Variants in ROBO1 observed in about 807,000 individuals in gnomAD.
ROBO1 encodes roundabout guidance receptor 1.
ROBO1 carries 149 observed loss-of-function variants against 195.9 expected under a neutral mutation model. That is an observed-to-expected ratio of 0.76 (90% confidence interval 0.67 to 0.87). ROBO1 has a LOEUF of 0.87. Among genes scored for constraint, ROBO1 ranks in the 40% least tolerant of loss-of-function variants. ROBO1 has a pLI of 0.00. For missense variants in ROBO1, 1,933 were observed against 2,068.3 expected, an observed-to-expected ratio of 0.93 and a Z score of 1.27; for synonymous variants, 816 against 733.2, an observed-to-expected ratio of 1.11 and a Z score of -1.82.
intron 10 of ROBO1, among the ~76,000 whole-genome samples, chr3:78,675,102 A>G (rs1163027989): frequency 6.6e-6 from 1 of 152,094 alleles, no homozygotes; most frequent in Non-Finnish European, 1.5e-5. Context: ...CCTAGTGCTC[A>G]ATACTCACTT....
chr3:79,764,945 C>T lies in ROBO1; in HGVS notation c.-51+2807G>A, dbSNP rs112957828. Among the ~76,000 whole-genome samples, 314 of 152,274 alleles carry T rather than the reference C, an allele frequency of 2.1e-3. 1 individual carries two copies. Among genetic ancestry groups the T allele is most frequent in the African/African-American group, 7.0e-3 (289 of 41,544 alleles). ...CCTAGGCAGCTGTTGAGTCTCTCCC[C>T]TCCTCCCATGCTCAGCTCAGTGCTA... is the stretch of plus-strand genomic sequence containing the variant. On this transcript the variant is annotated intron_variant, in intron 1 of 30. Transcript: ENST00000464233.
At position 79,299,199 on chromosome 3, in the gene ROBO1, T is replaced by G. The variant is rs540245079; in HGVS notation, c.89-173660A>C. ...GAGGTATATTGAAGTTTACATCGCA[T>G]TTAGCATAGACCAGTATTTCAAATA... On this transcript the variant is annotated intron_variant, in intron 2 of 30. Coordinates refer to ENST00000464233, the MANE Select transcript of ROBO1 (RefSeq NM_002941.4). 9.2e-5 allele frequency among the ~76,000 whole-genome samples: 14 copies of G among 152,314 alleles called. No homozygotes were observed. The East Asian group carries it at 2.5e-3, about 27-fold the overall frequency.
intron 2 of ROBO1, among the ~76,000 whole-genome samples, chr3:79,195,382 C>A (rs1239566770): frequency 6.6e-6 from 1 of 151,486 alleles, no homozygotes; most frequent in Non-Finnish European, 1.5e-5. Flanking sequence ...AAGGAATGAG[C>A]AACCAGAAAC....
intron 1 of ROBO1, among the ~76,000 whole-genome samples, chr3:79,660,773 C>T (rs1052822308): frequency 8.6e-5 from 13 of 152,036 alleles, no homozygotes; most frequent in African/African-American, 9.7e-5. Context: ...CAAATGGGCA[C>T]GTACAGCAAC....
chr3:78,935,060 A>G (rs1035676804), intron 4 of ROBO1, among the ~76,000 whole-genome samples: 10 of 152,096 alleles, frequency 6.6e-5, no homozygotes, highest in Non-Finnish European at 1.5e-4. Flanking sequence ...GTTACTAATA[A>G]TAACAATGAA....
chr3:78,729,514 C>T (rs1012003316), intron 5 of ROBO1, among the ~76,000 whole-genome samples: 3 of 152,182 alleles, frequency 2.0e-5, no homozygotes, highest in African/African-American at 7.2e-5. Flanking sequence ...CACCCATTTT[C>T]CTGGGCTAGA....
chr3:78,602,750 A>G (rs1408443897), intron 29 of ROBO1, among the ~76,000 whole-genome samples: 1 of 152,116 alleles, frequency 6.6e-6, no homozygotes, highest in African/African-American at 2.4e-5. Flanking sequence ...TTAGGCTCCT[A>G]TAGGCACCCC....
At chr3:79,025,205 A>G (rs1463804626) in intron 3 of ROBO1, among the ~76,000 whole-genome samples, 1 of 152,126 alleles carries the variant, frequency 6.6e-6, no homozygotes, top group African/African-American at 2.4e-5. Context: ...ACTCACCTTC[A>G]TAAATCTGTG....
At chr3:79,516,966 T>C (rs920861703) in intron 2 of ROBO1, among the ~76,000 whole-genome samples, 11 of 152,222 alleles carry the variant, frequency 7.2e-5, no homozygotes, top group East Asian at 1.9e-4. Context: ...CCCCACACTC[T>C]GGTCAAGAGG....
chr3:79,143,219 A>G (rs1241777389), intron 2 of ROBO1, among the ~76,000 whole-genome samples: 1 of 152,098 alleles, frequency 6.6e-6, no homozygotes, highest in Non-Finnish European at 1.5e-5. Flanking sequence ...GTGCTTAAAT[A>G]TGATTCTAAA....
intron 3 of ROBO1, among the ~76,000 whole-genome samples, chr3:79,067,807 G>A (rs115971192): frequency 4.5e-4 from 69 of 152,050 alleles, no homozygotes; most frequent in African/African-American, 1.6e-3. Flanking sequence ...AAGTGGTTTA[G>A]TTGACTGATT....
intron 2 of ROBO1, among the ~76,000 whole-genome samples, chr3:79,367,969 TCTCA>T (rs1444713101): frequency 1.3e-5 from 2 of 151,840 alleles, no homozygotes; most frequent in Non-Finnish European, 2.9e-5. Flanking sequence ...TGAGGCAGAG[TCTCA>T]CTCTGTCACC....
At chr3:79,111,492 G>C (rs1429834735) in intron 3 of ROBO1, among the ~76,000 whole-genome samples, 1 of 152,060 alleles carries the variant, frequency 6.6e-6, no homozygotes, top group Non-Finnish European at 1.5e-5. Context: ...TTGGGAACTG[G>C]AGGTAGTTAT....
At chr3:79,213,744 TATAAA>T (rs1428808690) in intron 2 of ROBO1, among the ~76,000 whole-genome samples, 1 of 151,710 alleles carries the variant, frequency 6.6e-6, no homozygotes, top group Non-Finnish European at 1.5e-5. Context: ...TTTCCTGGGG[TATAAA>T]ATATTTGTAA....
At chr3:79,254,167 T>C (rs1043224822) in intron 2 of ROBO1, among the ~76,000 whole-genome samples, 4 of 152,196 alleles carry the variant, frequency 2.6e-5, no homozygotes, top group African/African-American at 9.6e-5. Context: ...CTTGAAACAT[T>C]TGACCATTTA....
chr3:78,667,928 C>A lies in ROBO1; in HGVS notation c.1921G>T (p.Gly641Ter). Residue 641 changes from glycine to a stop codon, truncating the protein, a stop_gained, in exon 14 of 31, where the codon GGA becomes TGA. Transcript: ENST00000464233. LOFTEE classifies it high-confidence loss of function. ...GATATTTGGCTTGGATCACTAATTCCATATGCATTAGCTGCCCTCACAAGG... is the reference window on the plus strand; with the variant it reads ...GATATTTGGCTTGGATCACTAATTCAATATGCATTAGCTGCCCTCACAAGG... ...LFLVRAANAY[G>*]ISDPSQISDP... is the part of the protein sequence containing the mutation. 1 of 1,613,728 alleles carries A rather than the reference C, an allele frequency of 6.2e-7. No individual in the cohort carries two copies. Among genetic ancestry groups the A allele is most frequent in the Non-Finnish European group, 8.5e-7 (1 of 1,179,744 alleles).
rs1705332154 is a variant in ROBO1 at position 78,633,951 on chromosome 3, C to A, written c.3465G>T (p.Arg1155=). Reference sequence around the variant, plus strand: ...CTTACTTACCAGATGTACTACTGCCCCGGTCTGAGCTGTTGTAGGATCCTC... The same window carrying A: ...CTTACTTACCAGATGTACTACTGCCACGGTCTGAGCTGTTGTAGGATCCTC... ...NTGGSYNSSD[R]GSSTSGSQGH... Residue 1155 remains arginine (R), a synonymous_variant, in exon 24 of 31, where the codon CGG becomes CGT. Coordinates refer to ENST00000464233, the MANE Select transcript of ROBO1 (RefSeq NM_002941.4). The A allele has an allele frequency of 6.2e-7, 1 of 1,609,648 alleles. No individual in the cohort carries two copies. The highest frequency in any genetic ancestry group is 2.2e-5 in the East Asian group (1 of 44,760).
chr3:79,188,312 CA>C (rs1163822837), intron 2 of ROBO1, among the ~76,000 whole-genome samples: 1 of 151,746 alleles, frequency 6.6e-6, no homozygotes, highest in Non-Finnish European at 1.5e-5. Context: ...ACTGCATAAA[CA>C]CACAAAAAAG....
At chr3:79,232,557 A>C (rs1018290009) in intron 2 of ROBO1, among the ~76,000 whole-genome samples, 6 of 152,082 alleles carry the variant, frequency 3.9e-5, no homozygotes, top group Non-Finnish European at 8.8e-5. Context: ...GGCAAGATTA[A>C]AGGAAAAAGT....
Sources: gnomAD v4.1 joint callset for allele counts (sites outside exome capture counted in the v4.1 genomes callset) on GRCh38, gnomAD v4.1.1 for gene constraint, MANE v1.5 for transcripts, NCBI Gene and HGNC (gene_info 2026-07-23, HGNC 2026-07-21) for gene names.